Variants in PM20D2 observed in about 807,000 individuals in gnomAD.
PM20D2 encodes the protein xaa-Arg dipeptidase.
A neutral mutation model predicts 42.9 loss-of-function variants in PM20D2; 33 were observed. The ratio of observed to expected loss-of-function variants is 0.77; its 90% CI spans 0.58 to 1.03. The LOEUF is 1.03. Among genes scored for constraint, PM20D2 ranks in the 50% least tolerant of loss-of-function variants. The probability of loss-of-function intolerance (pLI) is 0.00; values close to 1 mark genes in which losing one functional copy is unlikely to be tolerated. For missense variants in PM20D2, 548 were observed against 557.0 expected, an observed-to-expected ratio of 0.98 and a Z score of 0.16; for synonymous variants, 250 against 228.2, an observed-to-expected ratio of 1.10 and a Z score of -0.86.
chr6:89,142,333 A>T (rs951171230), upstream of PM20D2, among the ~76,000 whole-genome samples: 2 of 152,140 alleles, frequency 1.3e-5, no homozygotes, highest in African/African-American at 4.8e-5. Flanking sequence ...TCTGGAGTTA[A>T]CCAAGTTTGC....
chr6:89,104,908 T>A, the PM20D2 span, among the ~76,000 whole-genome samples: 1 of 151,868 alleles, frequency 6.6e-6, no homozygotes, highest in African/African-American at 2.4e-5. Context: ...TTAAAAAAAT[T>A]AGCCCAGTGT....
At chr6:89,139,145 A>C in the PM20D2 span, among the ~76,000 whole-genome samples, 1 of 152,144 alleles carries the variant, frequency 6.6e-6, no homozygotes, top group Middle Eastern at 3.4e-3. Flanking sequence ...GCTGGAGTGC[A>C]GTGGCACAAT....
the PM20D2 span, among the ~76,000 whole-genome samples, chr6:89,104,367 G>T: frequency 6.6e-6 from 1 of 151,800 alleles, no homozygotes; most frequent in Non-Finnish European, 1.5e-5. Flanking sequence ...CTCCTGAGTA[G>T]CTGGGATTAC....
chr6:89,104,221 AC>A, the PM20D2 span, among the ~76,000 whole-genome samples: 1 of 88,688 alleles, frequency 1.1e-5, no homozygotes, highest in Non-Finnish European at 2.3e-5. Context: ...AAAACTCATC[AC>A]CTTTTTTTTT....
chr6:89,163,568 C>G lies in PM20D2; in HGVS notation c.*1305C>G, dbSNP rs1771317545. 2 of 152,242 alleles carry G rather than the reference C, an allele frequency of 1.3e-5. No individual in the cohort carries two copies. The allele number at this position is 152,242 out of a possible 1,614,324, so 9.4% of individuals were successfully genotyped here. On this transcript the variant is annotated 3_prime_UTR_variant, in exon 7 of 7. Transcript: ENST00000275072. Reference sequence around the variant, plus strand: ...AATCACAGCTCACTGCAGTCTCGAACTCCTGGACTCAAGCAGTCCTCCCAC... The same window carrying G: ...AATCACAGCTCACTGCAGTCTCGAAGTCCTGGACTCAAGCAGTCCTCCCAC...
the PM20D2 span, among the ~76,000 whole-genome samples, chr6:89,104,891 C>CA: frequency 6.6e-6 from 1 of 151,814 alleles, no homozygotes; most frequent in South Asian, 2.1e-4. Flanking sequence ...CCAATCTCTA[C>CA]AAAAAATTAA....
chr6:89,115,646 T>C, the PM20D2 span, among the ~76,000 whole-genome samples: 1 of 147,026 alleles, frequency 6.8e-6, no homozygotes, highest in Non-Finnish European at 1.5e-5. Flanking sequence ...TTTTTTTTTT[T>C]TTTTTTTGAG....
the PM20D2 span, chr6:89,096,188 A>G: frequency 2.6e-5 from 4 of 152,150 alleles, no homozygotes; most frequent in Admixed American, 2.6e-4. Context: ...CATGATTTTA[A>G]TAAAGCATAT....
In PM20D2 at chr6:89,153,065, A is replaced by G; in HGVS notation, c.637A>G (p.Lys213Glu). Residue 213 changes from lysine (K) to glutamate (E), a missense_variant, in exon 3 of 7, where the codon AAA becomes GAA. Coordinates refer to ENST00000275072, the MANE Select transcript of PM20D2 (RefSeq NM_001010853.3). ...TAGTGTGACTGTGAAATACTATGGA[A>G]AAGCATCTCATTCTGCTTCTTATCC... is the stretch of plus-strand genomic sequence containing the variant. The part of the protein sequence containing the change: ...EHDVTVKYYG[K>E]ASHSASYPWE... 1.2e-6 allele frequency: 2 copies of G among 1,604,318 alleles called. No homozygotes were observed. The highest frequency in any genetic ancestry group is 1.7e-6 in the Non-Finnish European group (2 of 1,173,854).
the PM20D2 span, among the ~76,000 whole-genome samples, chr6:89,099,484 GTGTGTATATATATA>G: frequency 9.6e-5 from 13 of 135,296 alleles, no homozygotes; most frequent in Non-Finnish European, 1.5e-4. Context: ...ATATATATGT[GTGTGTATATATATA>G]TGTGTGTATA....
At chr6:89,113,621 T>A in the PM20D2 span, among the ~76,000 whole-genome samples, 143 of 152,272 alleles carry the variant, frequency 9.4e-4, 1 homozygote, top group African/African-American at 3.2e-3. Flanking sequence ...AAAGATTTTG[T>A]TTATAAGCAT....
chr6:89,154,608 T>G, intron 3 of PM20D2, 140 bp from the exon 4 acceptor site: 1 of 559,776 alleles, frequency 1.8e-6, no homozygotes, highest in Non-Finnish European at 3.0e-6. Context: ...TAACAAAATC[T>G]TTGATTGGTG....
At chr6:89,131,851 C>T in the PM20D2 span, among the ~76,000 whole-genome samples, 4 of 152,216 alleles carry the variant, frequency 2.6e-5, no homozygotes, top group African/African-American at 9.6e-5. Context: ...GTGCACCTGT[C>T]ACTGGCCTTT....
chr6:89,113,753 C>T, the PM20D2 span, among the ~76,000 whole-genome samples: 1 of 152,156 alleles, frequency 6.6e-6, no homozygotes, highest in African/African-American at 2.4e-5. Context: ...AGGCGATCCT[C>T]CCACGTCAGC....
At chr6:89,103,519 G>A in the PM20D2 span, among the ~76,000 whole-genome samples, 8,321 of 150,158 alleles carry the variant, frequency 0.055, 634 homozygotes, top group African/African-American at 0.18. Context: ...AGTAGACACG[G>A]GGTTTCGCCA....
At chr6:89,125,639 C>G in the PM20D2 span, among the ~76,000 whole-genome samples, 1 of 151,234 alleles carries the variant, frequency 6.6e-6, no homozygotes, top group South Asian at 2.1e-4. Context: ...AAAAATTAGC[C>G]GGGCGTGGTG....
chr6:89,099,426 G>GTGTATATATATACACATATATA, the PM20D2 span, among the ~76,000 whole-genome samples: 2 of 140,226 alleles, frequency 1.4e-5, no homozygotes, highest in African/African-American at 2.9e-5. Flanking sequence ...ATATATATAT[G>GTGTATATATATACACATATATA]TGTGTATATA....
At chr6:89,152,817 C>G (rs1770898252) in intron 2 of PM20D2, among the ~76,000 whole-genome samples, 1 of 150,304 alleles carries the variant, frequency 6.7e-6, no homozygotes, top group African/African-American at 2.5e-5. Context: ...TTCTCTTTTT[C>G]TCTCTTTTTT....
At chr6:89,099,431 T>C in the PM20D2 span, among the ~76,000 whole-genome samples, 3 of 135,256 alleles carry the variant, frequency 2.2e-5, no homozygotes, top group African/African-American at 8.2e-5. Context: ...TATATGTGTG[T>C]ATATATATAC....
Sources: allele counts gnomAD v4.1 joint callset (sites outside exome capture counted in the v4.1 genomes callset), GRCh38; gene constraint gnomAD v4.1.1; transcripts MANE v1.5; gene names NCBI Gene and HGNC (gene_info 2026-07-23, HGNC 2026-07-21).